Variants in NOD2 observed in about 807,000 individuals in gnomAD.
The protein encoded by NOD2 is nucleotide-binding oligomerization domain-containing protein 2.
NOD2 carries 86 observed loss-of-function variants against 90.9 expected under a neutral mutation model. The ratio of observed to expected loss-of-function variants is 0.95; its 90% CI spans 0.79 to 1.13. The LOEUF is 1.13. NOD2 is among the 50% of genes most tolerant of loss of function. NOD2 has a pLI of 0.00. For missense variants in NOD2, 1,238 were observed against 1,283.8 expected (o/e 0.96, Z 0.55); for synonymous variants, 581 against 554.6 (o/e 1.05, Z -0.67).
At chr16:50,722,170 G>A (rs1402672570) in intron 7 of NOD2, among the ~76,000 whole-genome samples, 2 of 152,198 alleles carry the variant, frequency 1.3e-5, no homozygotes, top group African/African-American at 4.8e-5. Context: ...AAGGAATTAG[G>A]GGTGTTAGGA....
intron 1 of NOD2, chr16:50,697,074 A>G (rs1963681107): frequency 3.0e-6 from 2 of 673,470 alleles, no homozygotes; most frequent in East Asian, 2.7e-5. Context: ...CTAGTTCTGG[A>G]AGGCTGGTTG....
intron 10 of NOD2, chr16:50,727,760 G>A: frequency 2.9e-6 from 1 of 342,248 alleles, no homozygotes; most frequent in Non-Finnish European, 5.8e-6. Context: ...GTTGACGAAT[G>A]CCGGCTGCAG....
chr16:50,732,000 G>A lies in NOD2; in HGVS notation c.*181G>A, dbSNP rs1370947492. ...TTCTGGCAGAGGAGGGAGCATCAGT[G>A]CCCTCCAGGATAGACTTTTCCCAAG... is the stretch of plus-strand genomic sequence containing the variant. On this transcript the variant is annotated 3_prime_UTR_variant, in exon 12 of 12. Transcript: ENST00000647318. The A allele has an allele frequency of 1.5e-6, 1 of 657,612 alleles. No homozygotes were observed. The highest frequency in any genetic ancestry group is 1.8e-5 in the African/African-American group (1 of 55,922). 40.7% of individuals were successfully genotyped at this position (657,612 alleles called of 1,614,324 possible). A position where few individuals can be genotyped will look rare whatever the true frequency, so the allele number is the denominator to read the frequency against.
At position 50,712,126 on chromosome 16, in the gene NOD2, T is replaced by C; in HGVS notation, c.2134T>C (p.Phe712Leu). ...CAAGAGCGTGCATGCCATGCCCGGG[T>C]TCATCTGGCTCATCCGGAGCCTGTA... ...EAKSVHAMPG[F>L]IWLIRSLYEM... is the part of the protein sequence containing the mutation. Residue 712 changes from phenylalanine (F) to leucine (L), a missense_variant, in exon 4 of 12, where the codon TTC (phenylalanine) becomes CTC (leucine). Around this residue, in one of 3 missense-constraint regions of NOD2, gnomAD observed 667 missense variants for 688.7 expected, o/e 0.97. Coordinates refer to ENST00000647318, the MANE Select transcript of NOD2 (RefSeq NM_001370466.1). 1 of 1,614,028 alleles carries C rather than the reference T, an allele frequency of 6.2e-7. No individual in the cohort carries two copies. Among genetic ancestry groups the C allele is most frequent in the Non-Finnish European group, 8.5e-7 (1 of 1,180,024 alleles).
intron 10 of NOD2, among the ~76,000 whole-genome samples, chr16:50,725,795 G>A (rs549072291): frequency 6.6e-6 from 1 of 152,280 alleles, no homozygotes; most frequent in African/African-American, 2.4e-5. Context: ...AGATGGGGAA[G>A]TGAAGGTAAC....
chr16:50,725,656 C>CT, intron 10 of NOD2, 84 bp downstream of exon 10: 1 of 1,062,432 alleles, frequency 9.4e-7, no homozygotes, highest in Non-Finnish European at 1.5e-6. Flanking sequence ...GGCCGCTCTC[C>CT]GCTGGGCTAA....
chr16:50,693,793 G>A (rs1470344444), intron 1 of NOD2, 131 bp downstream of exon 1: 1 of 152,306 alleles, frequency 6.6e-6, no homozygotes, highest in Non-Finnish European at 1.5e-5. Flanking sequence ...GGTTGCCTCG[G>A]TTTCTCCTGG....
chr16:50,715,511 G>T (rs375837470), intron 4 of NOD2: 10 of 152,152 alleles, frequency 6.6e-5, no homozygotes, highest in African/African-American at 2.2e-4. Flanking sequence ...TGCCTCCCGG[G>T]TTCACGCCAT....
intron 4 of NOD2, chr16:50,712,593 G>A (rs529500537): frequency 3.2e-6 from 2 of 619,866 alleles, no homozygotes; most frequent in East Asian, 5.6e-5. Flanking sequence ...CTGGTGCTAT[G>A]CTTTCCGGAA....
At chr16:50,715,533 A>G in intron 4 of NOD2, 1 of 152,034 alleles carries the variant, frequency 6.6e-6, no homozygotes, top group Non-Finnish European at 1.5e-5. Context: ...CTCCTGCCTC[A>G]GCCTCCCAAG....
At chr16:50,727,001 G>A (rs1596911436) in intron 10 of NOD2, among the ~76,000 whole-genome samples, 1 of 151,984 alleles carries the variant, frequency 6.6e-6, no homozygotes, top group East Asian at 1.9e-4. Context: ...TTAGCCGGGC[G>A]TGGTGGCATA....
At chr16:50,716,522 G>C (rs1964800043) in intron 4 of NOD2, 65 bp from the exon 5 acceptor site, 9 of 1,427,870 alleles carry the variant, frequency 6.3e-6, no homozygotes, top group Middle Eastern at 1.7e-4. Flanking sequence ...CTTTTTGGGG[G>C]ATTTGTAGAT....
At chr16:50,714,806 A>G (rs1555500334) in intron 4 of NOD2, among the ~76,000 whole-genome samples, 1 of 151,984 alleles carries the variant, frequency 6.6e-6, no homozygotes, top group Non-Finnish European at 1.5e-5. Flanking sequence ...GCCCCTATAT[A>G]GGTTTCTTTA....
chr16:50,698,909 A>ATCTC lies in NOD2; in HGVS notation c.-8-565_-8-562dup, dbSNP rs950494372. 3.0e-4 allele frequency among the ~76,000 whole-genome samples: 44 copies of ATCTC among 147,712 alleles called. No homozygotes were observed. The East Asian group carries it at 8.7e-3, about 29-fold the overall frequency. On this transcript the variant is annotated intron_variant, in intron 1 of 11. Transcript: ENST00000647318. ...AATGAATTCCCTGATTGTTTGGAAGATCTCTCTCTCTCTCTCTGTCTTTTT... is the reference window on the plus strand; with the variant it reads ...AATGAATTCCCTGATTGTTTGGAAGATCTCTCTCTCTCTCTCTCTCTGTCTTTTT...
intron 3 of NOD2, among the ~76,000 whole-genome samples, chr16:50,710,234 T>C (rs1452821192): frequency 1.3e-5 from 2 of 152,244 alleles, no homozygotes; most frequent in Admixed American, 1.3e-4. Context: ...CGGCAGTCAC[T>C]GATGTCTTTT....
intron 5 of NOD2, 82 bp downstream of exon 5, chr16:50,716,752 G>A: frequency 1.3e-6 from 2 of 1,512,300 alleles, no homozygotes; most frequent in Non-Finnish European, 1.8e-6. Flanking sequence ...AGCTGTGAGT[G>A]ATGGGCTGGG....
intron 7 of NOD2, among the ~76,000 whole-genome samples, chr16:50,722,277 CA>C (rs1365166177): frequency 6.6e-6 from 1 of 152,192 alleles, no homozygotes; most frequent in African/African-American, 2.4e-5. Flanking sequence ...TGGCAGTTAC[CA>C]GGAAGCGTAT....
intron 2 of NOD2, among the ~76,000 whole-genome samples, chr16:50,701,913 G>A (rs1963957503): frequency 1.3e-5 from 2 of 152,210 alleles, no homozygotes; most frequent in Non-Finnish European, 2.9e-5. Flanking sequence ...GCCTAGATTA[G>A]GAAAGAAGGA....
At chr16:50,695,277 A>G (rs1331641468) in intron 1 of NOD2, among the ~76,000 whole-genome samples, 1 of 152,000 alleles carries the variant, frequency 6.6e-6, no homozygotes, top group Non-Finnish European at 1.5e-5. Flanking sequence ...AGAAAACCAG[A>G]CATTCAGATT....
Sources: gnomAD v4.1 joint callset for allele counts (sites outside exome capture counted in the v4.1 genomes callset) on GRCh38, gnomAD v4.1.1 for gene constraint, gnomAD v4.1.1 regional missense constraint, MANE v1.5 for transcripts, NCBI Gene and HGNC (gene_info 2026-07-23, HGNC 2026-07-21) for gene names.